The following HERC5 variants were observed in gnomAD, a reference collection of about 807,000 sequenced individuals.
The protein encoded by HERC5 is HECT and RLD domain containing E3 ubiquitin protein ligase 5, also known as E3 ISG15--protein ligase HERC5.
HERC5 carries 99 observed loss-of-function variants against 119.6 expected under a neutral mutation model. The ratio of observed to expected loss-of-function variants is 0.83; its 90% CI spans 0.70 to 0.98. HERC5 has a LOEUF of 0.98. Ranked by LOEUF, HERC5 falls within the 50% of genes least tolerant of loss-of-function variation. HERC5 has a pLI of 0.00. For synonymous variants in HERC5, 478 were observed against 445.9 expected (o/e 1.07, Z -0.91); for missense variants, 1,267 against 1,241.3 (o/e 1.02, Z -0.31).
At chr4:88,491,611 T>A (rs566351008) in intron 16 of HERC5, among the ~76,000 whole-genome samples, 1 of 152,270 alleles carries the variant, frequency 6.6e-6, no homozygotes, top group African/African-American at 2.4e-5. Context: ...AGATGAGATA[T>A]GAGAAAAAGT....
At chr4:88,488,445 T>G (rs1741536283) in intron 15 of HERC5, among the ~76,000 whole-genome samples, 2 of 152,098 alleles carry the variant, frequency 1.3e-5, no homozygotes, top group East Asian at 1.9e-4. Flanking sequence ...TTGGCCAGGC[T>G]GGTCTCAAAC....
intron 22 of HERC5, 40 bp downstream of exon 22, chr4:88,504,637 C>G: frequency 8.1e-7 from 1 of 1,239,418 alleles, no homozygotes; most frequent in Non-Finnish European, 1.1e-6. Flanking sequence ...AATCGTATGT[C>G]TTTTTAATGG....
chr4:88,500,038 A>T, intron 19 of HERC5, 46 bp downstream of exon 19: 2 of 1,153,624 alleles, frequency 1.7e-6, no homozygotes, highest in Non-Finnish European at 2.6e-6. Flanking sequence ...TAATCTGATT[A>T]ACCCTTTACA....
intron 18 of HERC5, among the ~76,000 whole-genome samples, chr4:88,497,173 G>A (rs1741823090): frequency 6.6e-6 from 1 of 152,218 alleles, no homozygotes; most frequent in Admixed American, 6.5e-5. Flanking sequence ...TTGCTACCAA[G>A]AAGTGTGGTG....
intron 11 of HERC5, among the ~76,000 whole-genome samples, chr4:88,472,777 CAACTCAGGGCTTTAGGAAGATGATTA>C (rs1740919855): frequency 6.6e-6 from 1 of 152,190 alleles, no homozygotes; most frequent in African/African-American, 2.4e-5. Context: ...GGAAGTTTTT[CAACTCAGGGCTTTAGGAAGATGATTA>C]AGGATTTGTT....
intron 18 of HERC5, among the ~76,000 whole-genome samples, chr4:88,497,740 G>T (rs1467820961): frequency 6.6e-6 from 1 of 152,202 alleles, no homozygotes; most frequent in East Asian, 1.9e-4. Flanking sequence ...AGCACCAAGG[G>T]TATGGCCAGG....
intron 16 of HERC5, among the ~76,000 whole-genome samples, chr4:88,489,924 A>C (rs1741582103): frequency 1.3e-5 from 2 of 152,016 alleles, no homozygotes; most frequent in Non-Finnish European, 2.9e-5. Context: ...CATGAGAATC[A>C]CTTGAACCCA....
chr4:88,492,856 G>C (rs1045985468), intron 16 of HERC5, among the ~76,000 whole-genome samples, 156 bp from the exon 17 acceptor site: 1 of 152,214 alleles, frequency 6.6e-6, no homozygotes, highest in Non-Finnish European at 1.5e-5. Context: ...TTAATGTAGA[G>C]ATTAAATATG....
At chr4:88,459,843 C>T (rs752988739) in intron 2 of HERC5, among the ~76,000 whole-genome samples, 2 of 152,108 alleles carry the variant, frequency 1.3e-5, no homozygotes, top group African/African-American at 2.4e-5. Context: ...AATTAGAACT[C>T]ATTTTCATCT....
chr4:88,500,202 A>G (rs1257820317), intron 19 of HERC5, among the ~76,000 whole-genome samples: 3 of 152,204 alleles, frequency 2.0e-5, no homozygotes, highest in Non-Finnish European at 4.4e-5. Flanking sequence ...AACAAATACA[A>G]TTTTGTGGGT....
chr4:88,486,163 G>A lies in HERC5; in HGVS notation c.1786G>A (p.Glu596Lys), dbSNP rs369280809. Reference protein sequence around the residue: ...QLPESIFQVDELLHRLNFFVE... With the variant: ...QLPESIFQVDKLLHRLNFFVE... ...ACCTGAAAGTATTTTCCAAGTAGAC[G>A]AACTCTTGCACCGTCTCAATTTTTT... Residue 596 changes from glutamate (E) to lysine (K), a missense_variant, in exon 14 of 23, where the codon GAA (glutamate) becomes AAA (lysine). Coordinates refer to ENST00000264350, the MANE Select transcript of HERC5 (RefSeq NM_016323.4). 2.0e-5 allele frequency: 33 copies of A among 1,611,636 alleles called. No individual in the cohort carries two copies. The highest frequency in any genetic ancestry group is 3.3e-5 in the Admixed American group (2 of 59,826).
chr4:88,489,413 A>G, intron 16 of HERC5, 77 bp downstream of exon 16: 19 of 1,306,982 alleles, frequency 1.5e-5, no homozygotes, highest in Non-Finnish European at 2.0e-5. Flanking sequence ...AGGGTTTCAT[A>G]GAGAGGAAGT....
Position 88,462,243 on chromosome 4 carries a change from C to T in HERC5, c.575C>T (p.Pro192Leu), listed in dbSNP as rs1740469201. The stretch of plus-strand genomic sequence containing the variant: ...ATTGTGGAGCACCTCGCAGGAGTAC[C>T]CTTGGCTCAGATTTCTGCCGGAGAA... ...PQIVEHLAGV[P>L]LAQISAGEAH... The change falls in exon 4 of 23, where the codon CCC becomes CTC. Residue 192 changes from proline (P) to leucine (L), a missense_variant. Transcript: ENST00000264350. The T allele has an allele frequency of 1.2e-6, 2 of 1,614,192 alleles. No homozygotes were observed. The highest frequency in any genetic ancestry group is 1.7e-6 in the Non-Finnish European group (2 of 1,180,044).
At chr4:88,470,975 C>CT (rs532295563) in intron 10 of HERC5, among the ~76,000 whole-genome samples, 5,721 of 144,748 alleles carry the variant, frequency 0.04, 276 homozygotes, top group African/African-American at 0.12. Flanking sequence ...TTGTTTTTTT[C>CT]TTTTTTTTTT....
chr4:88,493,806 G>A (rs1741721542), intron 17 of HERC5, among the ~76,000 whole-genome samples: 1 of 151,734 alleles, frequency 6.6e-6, no homozygotes, highest in Admixed American at 6.6e-5. Context: ...TAGAGATGGG[G>A]TTTCACCAGT....
chr4:88,482,207 G>A (rs1741301842), intron 13 of HERC5, among the ~76,000 whole-genome samples: 2 of 151,984 alleles, frequency 1.3e-5, no homozygotes, highest in South Asian at 4.2e-4. Context: ...CTGCTTGGGA[G>A]GCTGAGGCAG....
At chr4:88,483,857 T>C (rs1286016916) in intron 13 of HERC5, among the ~76,000 whole-genome samples, 1 of 152,230 alleles carries the variant, frequency 6.6e-6, no homozygotes, top group African/African-American at 2.4e-5. Flanking sequence ...AAATAACCTT[T>C]GTAGGTTAAG....
At chr4:88,475,691 A>C in intron 11 of HERC5, 150 bp from the exon 12 acceptor site, 1 of 669,118 alleles carries the variant, frequency 1.5e-6, no homozygotes, top group Non-Finnish European at 2.6e-6. Flanking sequence ...GTGAGAAGGG[A>C]TGTAAACAGG....
chr4:88,470,214 CTG>C lies in HERC5; in HGVS notation c.1239-399_1239-398del, dbSNP rs1740822831. On this transcript the variant is annotated intron_variant, in intron 9 of 22. Coordinates refer to ENST00000264350, the MANE Select transcript of HERC5 (RefSeq NM_016323.4). Reference sequence around the variant, plus strand: ...CTGTACAACTACTTCTAAGATGAAACTGAGCATACTCCTTCCCCCATTTAATT... The same window carrying C: ...CTGTACAACTACTTCTAAGATGAAACAGCATACTCCTTCCCCCATTTAATT... Among the ~76,000 whole-genome samples, 3 of 152,248 alleles carry C rather than the reference CTG, an allele frequency of 2.0e-5. No individual in the cohort carries two copies. The South Asian group carries it at 6.2e-4, about 32-fold the overall frequency.
Sources: allele counts gnomAD v4.1 joint callset (sites outside exome capture counted in the v4.1 genomes callset), GRCh38; gene constraint gnomAD v4.1.1; transcripts MANE v1.5; gene names NCBI Gene and HGNC (gene_info 2026-07-23, HGNC 2026-07-21).